The following ATP11A variants were observed in gnomAD, a reference collection of about 807,000 sequenced individuals.
ATP11A encodes the protein ATPase phospholipid transporting 11A.
ATP11A carries 81 observed loss-of-function variants against 154.4 expected under a neutral mutation model. That is an observed-to-expected ratio of 0.52 (90% CI 0.44 to 0.63). The LOEUF is 0.63. ATP11A is among the 30% of genes least tolerant of loss of function. The probability of loss-of-function intolerance (pLI) is 0.00; values close to 1 mark genes in which losing one functional copy is unlikely to be tolerated. For missense variants in ATP11A, 1,316 were observed against 1,474.3 expected (o/e 0.89, Z 1.76); for synonymous variants, 623 against 585.9 (o/e 1.06, Z -0.91).
intron 1 of ATP11A, among the ~76,000 whole-genome samples, chr13:112,735,274 A>T (rs1167304404): frequency 6.6e-6 from 1 of 152,178 alleles, no homozygotes; most frequent in African/African-American, 2.4e-5. Context: ...GTTGAGATTG[A>T]GTTTTTTTCC....
chr13:112,858,336 G>C (rs73571017), intron 22 of ATP11A, 46 bp downstream of exon 22: 4 of 1,561,114 alleles, frequency 2.6e-6, no homozygotes, highest in African/African-American at 2.7e-5. Context: ...AACAGGTCAC[G>C]CACAGGGTGG....
intron 24 of ATP11A, among the ~76,000 whole-genome samples, chr13:112,861,768 AAAGAAAATGGGAATAAATCT>A (rs1350787874): frequency 6.6e-6 from 1 of 152,260 alleles, no homozygotes; most frequent in African/African-American, 2.4e-5. Context: ...TAATAAATCT[AAAGAAAATGGGAATAAATCT>A]AAGAAAATGG....
chr13:112,821,916 C>T (rs1301711468), intron 8 of ATP11A, among the ~76,000 whole-genome samples: 1 of 152,196 alleles, frequency 6.6e-6, no homozygotes, highest in Admixed American at 6.5e-5. Context: ...CCAGACAACC[C>T]ATATGCAGCC....
At chr13:112,796,652 ATTGTT>A (rs2078006185) in intron 2 of ATP11A, among the ~76,000 whole-genome samples, 1 of 152,228 alleles carries the variant, frequency 6.6e-6, no homozygotes, top group Non-Finnish European at 1.5e-5. Context: ...ATAAATTTGC[ATTGTT>A]TTAAGTCACA....
chr13:112,757,632 G>A (rs2076872451), intron 1 of ATP11A, among the ~76,000 whole-genome samples: 1 of 152,244 alleles, frequency 6.6e-6, no homozygotes, highest in African/African-American at 2.4e-5. Context: ...TGGCCTCCTT[G>A]TCTCATCCCT....
rs2079912140 is a variant in ATP11A, at chr13:112,856,013, G to A, written c.2346G>A (p.Glu782=). The A allele has an allele frequency of 1.2e-6, 2 of 1,614,108 alleles. No homozygotes were observed. The highest frequency in any genetic ancestry group is 1.7e-6 in the Non-Finnish European group (2 of 1,180,044). ...ACGGGAGTTCCGGCAACTACAGGGAGCTCTTCCTGGAAATCTGCCGGAGCT... is the reference window on the plus strand; with the variant it reads ...ACGGGAGTTCCGGCAACTACAGGGAACTCTTCCTGGAAATCTGCCGGAGCT... The part of the protein sequence containing the change: ...REDGSSGNYR[E]LFLEICRSCS... The change falls in exon 20 of 30, where the codon GAG becomes GAA. Residue 782 remains glutamate (E), a synonymous_variant. Transcript: ENST00000375645.
chr13:112,831,122 C>T, intron 12 of ATP11A, among the ~76,000 whole-genome samples: 1 of 152,154 alleles, frequency 6.6e-6, no homozygotes, highest in East Asian at 1.9e-4. Flanking sequence ...GAAGGTATCC[C>T]GAGGCCTCCC....
intron 28 of ATP11A, among the ~76,000 whole-genome samples, chr13:112,877,910 C>T (rs2297801): frequency 0.37 from 56,058 of 151,982 alleles, 10,536 homozygotes; most frequent in East Asian, 0.43. Context: ...TTTAGAAGCC[C>T]CTGTATTGCT....
chr13:112,860,304 G>C lies in ATP11A; in HGVS notation c.2745G>C (p.Ala915=). 1 of 1,614,026 alleles carries C rather than the reference G, an allele frequency of 6.2e-7. No individual in the cohort carries two copies. The highest frequency in any genetic ancestry group is 8.5e-7 in the Non-Finnish European group (1 of 1,179,950). The change falls in exon 24 of 30, where the codon GCG becomes GCC. Residue 915 remains alanine (A), a synonymous_variant. Coordinates refer to ENST00000375645, the MANE Select transcript of ATP11A (RefSeq NM_015205.3). ...TCTTACAGACTTTGTACGACACCGCGTATCTGACCCTCTACAACATCAGCT... is the reference window on the plus strand; with the variant it reads ...TCTTACAGACTTTGTACGACACCGCCTATCTGACCCTCTACAACATCAGCT... The part of the protein sequence containing the change: ...GFSQQTLYDT[A]YLTLYNISFT...
In ATP11A at chr13:112,690,235, A is replaced by C. The variant is rs1182552420; in HGVS notation, c.-182A>C. The C allele has an allele frequency of 1.5e-5, 3 of 193,596 alleles. No homozygotes were observed. Among genetic ancestry groups the C allele is most frequent in the Admixed American group, 1.3e-4 (2 of 15,284 alleles). 12.0% of individuals were successfully genotyped at this position (193,596 alleles called of 1,614,324 possible). A position where few individuals can be genotyped will look rare whatever the true frequency, so the allele number is the denominator to read the frequency against. On this transcript the variant is annotated 5_prime_UTR_variant, in exon 1 of 30. Transcript: ENST00000375645. This position sits in a 1 kb window ranked among gnomAD's most constrained non-coding sequence, Gnocchi z 5.6. ...TGCCGACGCGCGGGGCCGCGGACCCAGCATTCGCCGGCCGGGCCGGGCATG... is the reference window on the plus strand; with the variant it reads ...TGCCGACGCGCGGGGCCGCGGACCCCGCATTCGCCGGCCGGGCCGGGCATG...
intron 2 of ATP11A, among the ~76,000 whole-genome samples, chr13:112,793,808 C>T (rs995015782): frequency 3.3e-5 from 5 of 152,208 alleles, no homozygotes; most frequent in Admixed American, 3.3e-4. Flanking sequence ...GGACAGTGCC[C>T]GGGTTCGTCT....
chr13:112,807,420 A>G lies in ATP11A; in HGVS notation c.333+1127A>G, dbSNP rs1437270497. ...GCAACCTGGTGTCCCTCCGTAAGGA[A>G]ATGGACAGCTCCGCCGCGGTGCATG... On this transcript the variant is annotated intron_variant, in intron 4 of 29. Coordinates refer to ENST00000375645, the MANE Select transcript of ATP11A (RefSeq NM_015205.3). This position sits in a 1 kb window ranked among gnomAD's most constrained non-coding sequence, Gnocchi z 4.5. 2.0e-5 allele frequency among the ~76,000 whole-genome samples: 3 copies of G among 152,234 alleles called. No homozygotes were observed. The highest frequency in any genetic ancestry group is 7.2e-5 in the African/African-American group (3 of 41,456).
In ATP11A at chr13:112,825,576, A is replaced by G; in HGVS notation, c.1019A>G (p.Asn340Ser). Residue 340 changes from asparagine (N) to serine (S), a missense_variant, in exon 11 of 30, where the codon AAT (asparagine) becomes AGT (serine). Transcript: ENST00000375645. ...AAAACGGAGTCGGAAAGGCAGAGGA[A>G]TCTGGTATGGAGAATCACTGCCCTT... is the stretch of plus-strand genomic sequence containing the variant. ...NQKTESERQRNLFLKAFTDFL... is the reference protein window; with the variant it reads ...NQKTESERQRSLFLKAFTDFL... 1.2e-6 allele frequency: 2 copies of G among 1,612,440 alleles called. No homozygotes were observed. Among genetic ancestry groups the G allele is most frequent in the African/African-American group, 1.3e-5 (1 of 75,002 alleles).
At chr13:112,814,255 G>T (rs2078582222) in intron 5 of ATP11A, among the ~76,000 whole-genome samples, 1 of 151,794 alleles carries the variant, frequency 6.6e-6, no homozygotes, top group South Asian at 2.1e-4. Context: ...TAGAGATGGG[G>T]TTTCACCATT....
intron 25 of ATP11A, among the ~76,000 whole-genome samples, chr13:112,867,285 C>G (rs2080366291): frequency 1.3e-5 from 2 of 152,262 alleles, no homozygotes; most frequent in African/African-American, 2.4e-5. Flanking sequence ...GCGGTGTCAG[C>G]TCCCGAGAGG....
chr13:112,868,182 A>G (rs1310245152), intron 25 of ATP11A, among the ~76,000 whole-genome samples: 1 of 152,234 alleles, frequency 6.6e-6, no homozygotes, highest in Non-Finnish European at 1.5e-5. Context: ...ACGTGCTTTG[A>G]TAGACGTAGG....
At chr13:112,776,015 AC>A (rs898517140) in intron 1 of ATP11A, among the ~76,000 whole-genome samples, 5 of 151,582 alleles carry the variant, frequency 3.3e-5, no homozygotes, top group Admixed American at 3.3e-4. Flanking sequence ...TCTTCCCCGG[AC>A]CCCTTCCCGC....
rs544375403 is a variant in ATP11A at position 112,851,301 on chromosome 13, G to A, written c.1991+83G>A. ...CCAGGGCGTGTGAGGGCGAGTGGAC[G>A]GGAGGGAGGCCATCCGCACAGCCGA... On this transcript the variant is annotated intron_variant, in intron 18 of 29. Transcript: ENST00000375645. 15 of 1,424,190 alleles carry A rather than the reference G, an allele frequency of 1.1e-5. No individual in the cohort carries two copies. In the East Asian group the frequency reaches 1.4e-4, roughly 13 times the overall value. 88.2% of individuals were successfully genotyped at this position (1,424,190 alleles called of 1,614,324 possible).
At chr13:112,821,609 C>G (rs2078799737) in intron 8 of ATP11A, among the ~76,000 whole-genome samples, 1 of 152,156 alleles carries the variant, frequency 6.6e-6, no homozygotes, top group African/African-American at 2.4e-5. Context: ...CCGCGCCTGG[C>G]CTAGTTTCAC....
Sources: allele counts gnomAD v4.1 joint callset (sites outside exome capture counted in the v4.1 genomes callset), GRCh38; gene constraint gnomAD v4.1.1; non-coding constraint Gnocchi (gnomAD v3.1); transcripts MANE v1.5; gene names NCBI Gene and HGNC (gene_info 2026-07-23, HGNC 2026-07-21).